VAV2: variants seen among roughly 807,000 people sequenced by gnomAD.
VAV2 encodes vav guanine nucleotide exchange factor 2, also known as guanine nucleotide exchange factor VAV2.
Under a neutral mutation model 132.5 loss-of-function variants are expected in VAV2, and 67 were observed. The ratio of observed to expected loss-of-function variants is 0.51; its 90% confidence interval spans 0.42 to 0.62. VAV2 has a LOEUF of 0.62. VAV2 is among the 20% of genes least tolerant of loss of function. The probability of loss-of-function intolerance (pLI) is 0.00; values close to 1 mark genes in which losing one functional copy is unlikely to be tolerated. For synonymous variants in VAV2, 492 were observed against 443.5 expected (o/e 1.11, Z -1.37); for missense variants, 938 against 1,153.6 (o/e 0.81, Z 2.71).
At position 133,768,700 on chromosome 9, in the gene VAV2, C is replaced by G. The variant is rs1022083449; in HGVS notation, c.2435-104G>C. ...GGGTCTCTCCCCTGGTGCCCAGAAC[C>G]CTGCTCTGTACCCAGAGAGGAAGGA... On this transcript the variant is annotated intron_variant, in intron 28 of 29. Coordinates refer to ENST00000371850, the MANE Select transcript of VAV2 (RefSeq NM_001134398.2). The surrounding 1 kb of genome is among the most constrained non-coding windows in gnomAD (Gnocchi z 5.3). The G allele has an allele frequency of 2.1e-6, 3 of 1,402,622 alleles. No individual in the cohort carries two copies. Among genetic ancestry groups the G allele is most frequent in the Middle Eastern group, 2.0e-4 (1 of 5,110 alleles). The allele number at this position is 1,402,622 out of a possible 1,614,324, so 86.9% of individuals were successfully genotyped here.
chr9:133,768,307 G>C lies in VAV2; in HGVS notation c.2589+135C>G. On this transcript the variant is annotated intron_variant, in intron 29 of 29. Coordinates refer to ENST00000371850, the MANE Select transcript of VAV2 (RefSeq NM_001134398.2). This position sits in a 1 kb window ranked among gnomAD's most constrained non-coding sequence, Gnocchi z 5.3. Reference sequence around the variant, plus strand: ...TGCCAACCTTCTGGGCTGCTGTGAGGATGAGGGAGATTGCAGAGGGTGTCT... The same window carrying C: ...TGCCAACCTTCTGGGCTGCTGTGAGCATGAGGGAGATTGCAGAGGGTGTCT... The C allele has an allele frequency of 1.6e-6, 2 of 1,265,744 alleles. No homozygotes were observed. The highest frequency in any genetic ancestry group is 2.2e-6 in the Non-Finnish European group (2 of 930,022). 78.4% of individuals were successfully genotyped at this position (1,265,744 alleles called of 1,614,324 possible). A position where few individuals can be genotyped will look rare whatever the true frequency, so the allele number is the denominator to read the frequency against.
chr9:133,866,737 T>A (rs921528798), intron 2 of VAV2, among the ~76,000 whole-genome samples: 1 of 145,070 alleles, frequency 6.9e-6, no homozygotes, highest in African/African-American at 2.6e-5. Flanking sequence ...ACCCAGGACG[T>A]GGAGGTTCCA....
chr9:133,776,568 C>T (rs75830579), intron 23 of VAV2, among the ~76,000 whole-genome samples: 1 of 152,114 alleles, frequency 6.6e-6, no homozygotes, highest in South Asian at 2.1e-4. Flanking sequence ...TCAGAGACTA[C>T]CTCTTCCCTC....
chr9:133,944,505 T>A (rs1841290278), intron 1 of VAV2, among the ~76,000 whole-genome samples: 1 of 152,118 alleles, frequency 6.6e-6, no homozygotes, highest in Admixed American at 6.5e-5. Flanking sequence ...AGCCTGACAA[T>A]GACCACAGGC....
At position 133,770,361 on chromosome 9, in the gene VAV2, C is replaced by G; in HGVS notation, c.2347+17G>C. On this transcript the variant is annotated intron_variant, in intron 27 of 29. Transcript: ENST00000371850. ...CCTCCGAGGAGTGCTGGTGTGCCGG[C>G]TGGGCCGGGGCGTTACCTGGGGACC... The G allele has an allele frequency of 6.2e-7, 1 of 1,613,638 alleles. No homozygotes were observed. The highest frequency in any genetic ancestry group is 8.5e-7 in the Non-Finnish European group (1 of 1,179,748).
chr9:133,972,562 C>G lies in VAV2; in HGVS notation c.204+19513G>C, dbSNP rs990458703. ...CGGCCCGCCTCCTGCAAGCCTGAGCCCCCCTGAGAAACATCTCCTTAAGAA... is the reference window on the plus strand; with the variant it reads ...CGGCCCGCCTCCTGCAAGCCTGAGCGCCCCTGAGAAACATCTCCTTAAGAA... On this transcript the variant is annotated intron_variant, in intron 1 of 29. Coordinates refer to ENST00000371850, the MANE Select transcript of VAV2 (RefSeq NM_001134398.2). Among the ~76,000 whole-genome samples the G allele has an allele frequency of 4.6e-5, 7 of 152,236 alleles. No individual in the cohort carries two copies. The East Asian group carries it at 1.2e-3, about 25-fold the overall frequency.
intron 1 of VAV2, among the ~76,000 whole-genome samples, chr9:133,979,160 C>T (rs909583672): frequency 3.3e-5 from 5 of 152,340 alleles, no homozygotes; most frequent in Middle Eastern, 3.4e-3. Context: ...TGGCTCCACC[C>T]TGCAGGGGCT....
chr9:133,779,141 T>C (rs1833917150), intron 21 of VAV2, among the ~76,000 whole-genome samples: 1 of 152,258 alleles, frequency 6.6e-6, no homozygotes, highest in Non-Finnish European at 1.5e-5. Flanking sequence ...GCACTTTGTG[T>C]TTTCTTCCAA....
intron 13 of VAV2, among the ~76,000 whole-genome samples, chr9:133,790,944 G>T (rs930319185): frequency 6.6e-6 from 1 of 152,110 alleles, no homozygotes; most frequent in Non-Finnish European, 1.5e-5. Context: ...AGGACCCTCT[G>T]GTAATGTCCA....
Position 133,788,549 on chromosome 9 carries a change from C to G in VAV2, c.1275-63G>C. The G allele has an allele frequency of 6.4e-7, 1 of 1,565,578 alleles. No individual in the cohort carries two copies. Among genetic ancestry groups the G allele is most frequent in the Non-Finnish European group, 8.7e-7 (1 of 1,145,766 alleles). On this transcript the variant is annotated intron_variant, in intron 14 of 29. Coordinates refer to ENST00000371850, the MANE Select transcript of VAV2 (RefSeq NM_001134398.2). This position sits in a 1 kb window ranked among gnomAD's most constrained non-coding sequence, Gnocchi z 5.3. ...CACTGTGTGCTCTGCTCCGAGGAGG[C>G]GGCAGGAGCTGAGCCTGAGGCTCTG...
At chr9:133,917,245 T>C (rs920171513) in intron 2 of VAV2, among the ~76,000 whole-genome samples, 4 of 152,074 alleles carry the variant, frequency 2.6e-5, no homozygotes, top group Admixed American at 1.3e-4. Context: ...GTTCCTGATG[T>C]GAACCCATTT....
At chr9:133,772,094 C>A (rs1225682837) in intron 25 of VAV2, 48 bp from the exon 26 acceptor site, 2 of 1,519,532 alleles carry the variant, frequency 1.3e-6, no homozygotes, top group East Asian at 2.2e-5. Flanking sequence ...GGCCACACGG[C>A]CCCGGCCCCC....
intron 4 of VAV2, among the ~76,000 whole-genome samples, chr9:133,830,588 A>G (rs919791395): frequency 6.6e-6 from 1 of 152,286 alleles, no homozygotes; most frequent in South Asian, 2.1e-4. Context: ...GGGCCTCCCC[A>G]GTCCGGTGGA....
intron 1 of VAV2, among the ~76,000 whole-genome samples, chr9:133,975,711 C>G (rs971253875): frequency 2.0e-5 from 3 of 152,244 alleles, no homozygotes; most frequent in African/African-American, 4.8e-5. Context: ...AACACAGAGG[C>G]ACAGTGCCCT....
At chr9:133,771,844 C>G in intron 26 of VAV2, 115 bp downstream of exon 26, 2 of 992,820 alleles carry the variant, frequency 2.0e-6, no homozygotes, top group Non-Finnish European at 3.1e-6. Flanking sequence ...TAAATCTTGG[C>G]CACACTGGGA....
chr9:133,962,460 G>A (rs1262500576), intron 1 of VAV2, among the ~76,000 whole-genome samples: 1 of 152,094 alleles, frequency 6.6e-6, no homozygotes, highest in Non-Finnish European at 1.5e-5. Flanking sequence ...CTGGTGGGAG[G>A]AGCTGGGTCC....
At chr9:133,778,620 G>A in intron 22 of VAV2, 142 bp downstream of exon 22, 1 of 1,310,108 alleles carries the variant, frequency 7.6e-7, no homozygotes, top group South Asian at 1.5e-5. Context: ...GCCTTGCTAG[G>A]CCCCCTGTGC....
At position 133,990,249 on chromosome 9, in the gene VAV2, C is replaced by A. The variant is rs570364833; in HGVS notation, c.204+1826G>T. Reference sequence around the variant, plus strand: ...GCAGGGCCCCTAAACACCCCTCTACCGGCCCAGCAGCGGGACCCCTAGACA... The same window carrying A: ...GCAGGGCCCCTAAACACCCCTCTACAGGCCCAGCAGCGGGACCCCTAGACA... On this transcript the variant is annotated intron_variant, in intron 1 of 29. Coordinates refer to ENST00000371850, the MANE Select transcript of VAV2 (RefSeq NM_001134398.2). Among the ~76,000 whole-genome samples, 330 of 152,266 alleles carry A rather than the reference C, an allele frequency of 2.2e-3. 2 individuals are homozygous for A. The highest frequency in any genetic ancestry group is 3.5e-3 in the Non-Finnish European group (235 of 67,992).
chr9:133,871,275 A>T (rs1333736773), intron 2 of VAV2, among the ~76,000 whole-genome samples: 1 of 99,338 alleles, frequency 1.0e-5, no homozygotes, highest in Non-Finnish European at 2.1e-5. Context: ...TAGATAAGTG[A>T]GTGGGTGGGT....
Sources: gnomAD v4.1 joint callset for allele counts (sites outside exome capture counted in the v4.1 genomes callset) on GRCh38, gnomAD v4.1.1 for gene constraint, Gnocchi (gnomAD v3.1) non-coding constraint, MANE v1.5 for transcripts, NCBI Gene and HGNC (gene_info 2026-07-23, HGNC 2026-07-21) for gene names.